The following TTLL11 variants were observed in gnomAD, a reference collection of about 807,000 sequenced individuals.
TTLL11 encodes the protein tubulin tyrosine ligase like 11.
Under a neutral mutation model 51.7 loss-of-function variants are expected in TTLL11, and 42 were observed. The observed-to-expected ratio is 0.81, with a 90% CI of 0.64 to 1.05. The LOEUF is 1.05. Among genes scored for constraint, TTLL11 ranks in the 50% least tolerant of loss-of-function variants. The probability of loss-of-function intolerance (pLI) is 0.00; values close to 1 mark genes in which losing one functional copy is unlikely to be tolerated. For missense variants in TTLL11, 799 were observed against 940.4 expected, an observed-to-expected ratio of 0.85 and a Z score of 1.97; for synonymous variants, 381 against 383.5, an observed-to-expected ratio of 0.99 and a Z score of 0.08.
intron 1 of TTLL11, among the ~76,000 whole-genome samples, chr9:122,047,851 G>A (rs899061194): frequency 3.9e-5 from 6 of 152,034 alleles, no homozygotes; most frequent in Non-Finnish European, 8.8e-5. Context: ...AATTTGATAT[G>A]CGTGTCTCAG....
chr9:121,926,960 C>T lies in TTLL11; in HGVS notation c.1481+47049G>A, dbSNP rs114602622. On this transcript the variant is annotated intron_variant, in intron 6 of 8. Coordinates refer to ENST00000321582, the MANE Select transcript of TTLL11 (RefSeq NM_001139442.2). ...GACAGCCGACTTCTCATGAGAGCCT[C>T]GCACGGTGGAAAGAGGGTGAAGGAG... 2.2e-3 allele frequency among the ~76,000 whole-genome samples: 338 copies of T among 152,242 alleles called. 2 individuals are homozygous for T. The highest frequency in any genetic ancestry group is 7.8e-3 in the African/African-American group (324 of 41,530).
intron 6 of TTLL11, among the ~76,000 whole-genome samples, chr9:121,898,576 T>C (rs1839636185): frequency 6.6e-6 from 1 of 152,208 alleles, no homozygotes; most frequent in South Asian, 2.1e-4. Flanking sequence ...TGCAGGGTCC[T>C]AACGCTCCCA....
chr9:121,880,715 C>T (rs1156311479), intron 6 of TTLL11, among the ~76,000 whole-genome samples: 2 of 152,208 alleles, frequency 1.3e-5, no homozygotes, highest in African/African-American at 4.8e-5. Flanking sequence ...CCCAGCACAG[C>T]TCCCAGTACG....
intron 6 of TTLL11, among the ~76,000 whole-genome samples, chr9:121,929,242 C>T (rs1417203200): frequency 6.6e-6 from 1 of 152,030 alleles, no homozygotes; most frequent in Non-Finnish European, 1.5e-5. Flanking sequence ...GAGTTCAAGA[C>T]CAGCCTGACC....
chr9:121,871,471 G>A (rs780161010), intron 6 of TTLL11, among the ~76,000 whole-genome samples: 1 of 152,092 alleles, frequency 6.6e-6, no homozygotes, highest in Non-Finnish European at 1.5e-5. Context: ...GGAAAGCACA[G>A]AATAAATGCC....
chr9:121,913,573 T>C lies in TTLL11; in HGVS notation c.1482-42825A>G, dbSNP rs183211923. 2.6e-3 allele frequency among the ~76,000 whole-genome samples: 390 copies of C among 152,344 alleles called. 2 individuals are homozygous for C. The highest frequency in any genetic ancestry group is 0.01 in the Middle Eastern group (3 of 294). On this transcript the variant is annotated intron_variant, in intron 6 of 8. Transcript: ENST00000321582. ...CTTTCATACCTGGTGATTAAGTTACTTTATGCTTAATGGAAAAGGATATTT... is the reference window on the plus strand; with the variant it reads ...CTTTCATACCTGGTGATTAAGTTACCTTATGCTTAATGGAAAAGGATATTT...
chr9:122,070,015 GCACA>G (rs1028182654), intron 1 of TTLL11, among the ~76,000 whole-genome samples: 2 of 149,448 alleles, frequency 1.3e-5, no homozygotes, highest in Non-Finnish European at 3.0e-5. Flanking sequence ...ACACACACGC[GCACA>G]CACACACACA....
intron 1 of TTLL11, among the ~76,000 whole-genome samples, chr9:122,057,227 C>T (rs1308795539): frequency 1.3e-5 from 2 of 151,988 alleles, no homozygotes; most frequent in Non-Finnish European, 2.9e-5. Flanking sequence ...TCCTAAACCT[C>T]CAGTAAGAAA....
At chr9:121,990,682 T>C (rs1843086756) in intron 3 of TTLL11, among the ~76,000 whole-genome samples, 1 of 152,176 alleles carries the variant, frequency 6.6e-6, no homozygotes, top group Admixed American at 6.5e-5. Context: ...GCTGAGCTAG[T>C]GCACAGGAAA....
At chr9:121,826,689 C>A (rs1836818596) in intron 8 of TTLL11, among the ~76,000 whole-genome samples, 1 of 150,730 alleles carries the variant, frequency 6.6e-6, no homozygotes, top group African/African-American at 2.4e-5. Context: ...CTGGAGCATC[C>A]GTGCCAAGGG....
intron 1 of TTLL11, among the ~76,000 whole-genome samples, chr9:122,059,263 A>G (rs1328642744): frequency 6.6e-6 from 1 of 152,238 alleles, no homozygotes; most frequent in Non-Finnish European, 1.5e-5. Context: ...CTACTGAGCT[A>G]AGTGCTGGGA....
chr9:121,884,077 C>T (rs1168798281), intron 6 of TTLL11, among the ~76,000 whole-genome samples: 3 of 152,202 alleles, frequency 2.0e-5, no homozygotes, highest in African/African-American at 7.2e-5. Flanking sequence ...CGCTGGTCCA[C>T]GATACAAGAT....
chr9:121,878,320 G>A (rs1407628493), intron 6 of TTLL11, among the ~76,000 whole-genome samples: 2 of 152,154 alleles, frequency 1.3e-5, no homozygotes, highest in African/African-American at 2.4e-5. Context: ...GTGACTTCTC[G>A]GGAGGGTACC....
intron 7 of TTLL11, among the ~76,000 whole-genome samples, chr9:121,863,330 C>T (rs1165861474): frequency 6.6e-6 from 1 of 152,226 alleles, no homozygotes; most frequent in East Asian, 1.9e-4. Context: ...TCATTAGGAA[C>T]AGCCACAGTG....
At chr9:121,900,405 C>A (rs1453948625) in intron 6 of TTLL11, among the ~76,000 whole-genome samples, 2 of 152,210 alleles carry the variant, frequency 1.3e-5, no homozygotes, top group Non-Finnish European at 2.9e-5. Context: ...TCTCTGGTAG[C>A]TTTTATGATC....
chr9:121,907,304 G>T (rs751973981), intron 6 of TTLL11, among the ~76,000 whole-genome samples: 2 of 152,004 alleles, frequency 1.3e-5, no homozygotes, highest in Middle Eastern at 3.2e-3. Context: ...ACAAAAATTA[G>T]CCGGGTGTGA....
At chr9:122,057,144 T>C (rs1387177878) in intron 1 of TTLL11, among the ~76,000 whole-genome samples, 1 of 152,150 alleles carries the variant, frequency 6.6e-6, no homozygotes, top group African/African-American at 2.4e-5. Context: ...CCATTATTGT[T>C]TTAAAGGTGT....
chr9:121,975,064 A>T (rs1179457598), intron 4 of TTLL11, 85 bp from the exon 5 acceptor site: 20 of 1,043,332 alleles, frequency 1.9e-5, no homozygotes, highest in Non-Finnish European at 2.6e-5. Flanking sequence ...ATTCAAACTC[A>T]GTCCCCAACC....
intron 3 of TTLL11, among the ~76,000 whole-genome samples, chr9:122,016,246 C>CT (rs1434281210): frequency 6.6e-6 from 1 of 152,084 alleles, no homozygotes; most frequent in Non-Finnish European, 1.5e-5. Flanking sequence ...TAAGAGAGGT[C>CT]TTGATGCCAT....
Sources: allele counts gnomAD v4.1 joint callset (sites outside exome capture counted in the v4.1 genomes callset), GRCh38; gene constraint gnomAD v4.1.1; transcripts MANE v1.5; gene names NCBI Gene and HGNC (gene_info 2026-07-23, HGNC 2026-07-21).